The following SMOC2 variants were observed in gnomAD, a reference collection of about 807,000 sequenced individuals.
The protein encoded by SMOC2 is SPARC related modular calcium binding 2.
In SMOC2, 39 loss-of-function variants were observed where a neutral mutation model predicts 61.4. The ratio of observed to expected loss-of-function variants is 0.64; its 90% CI spans 0.49 to 0.83. The LOEUF is 0.83. Among genes scored for constraint, SMOC2 ranks in the 40% least tolerant of loss-of-function variants. SMOC2 has a pLI of 0.00. For missense variants in SMOC2, 556 were observed against 592.9 expected (o/e 0.94, Z 0.65); for synonymous variants, 247 against 239.9 (o/e 1.03, Z -0.27).
chr6:168,571,874 T>C, intron 7 of SMOC2, among the ~76,000 whole-genome samples: 1 of 123,760 alleles, frequency 8.1e-6, no homozygotes, highest in African/African-American at 3.2e-5. Context: ...CCTCCCCGCA[T>C]CCCCGGGTGC....
intron 1 of SMOC2, among the ~76,000 whole-genome samples, chr6:168,481,945 A>C (rs536949437): frequency 1.3e-5 from 2 of 152,044 alleles, no homozygotes; most frequent in Admixed American, 1.3e-4. Context: ...CCCTTTAAAA[A>C]AATAAGAAAA....
chr6:168,628,168 G>A (rs567055466), intron 9 of SMOC2, among the ~76,000 whole-genome samples: 1 of 152,310 alleles, frequency 6.6e-6, no homozygotes, highest in South Asian at 2.1e-4. Context: ...CTTCTTTGTT[G>A]ATTCCCAGAT....
chr6:168,596,792 AG>A (rs1481910956), intron 7 of SMOC2, among the ~76,000 whole-genome samples: 1 of 152,266 alleles, frequency 6.6e-6, no homozygotes, highest in Non-Finnish European at 1.5e-5. Context: ...TTGAGGCAAA[AG>A]CCTCTTTACT....
chr6:168,489,912 G>C (rs1469360784), intron 1 of SMOC2, among the ~76,000 whole-genome samples: 1 of 151,424 alleles, frequency 6.6e-6, no homozygotes, highest in East Asian at 1.9e-4. Context: ...GGGTCCCCTT[G>C]CATCACACTG....
intron 1 of SMOC2, among the ~76,000 whole-genome samples, chr6:168,476,245 C>A (rs935560160): frequency 6.6e-6 from 1 of 152,008 alleles, no homozygotes; most frequent in Non-Finnish European, 1.5e-5. Flanking sequence ...GTGTTTTTGA[C>A]CCACAATTTT....
chr6:168,518,534 TGA>T (rs1320392044), intron 2 of SMOC2, among the ~76,000 whole-genome samples: 33 of 151,596 alleles, frequency 2.2e-4, no homozygotes, highest in South Asian at 4.2e-4. Context: ...TGTGGATGTG[TGA>T]GAGCGTGTGT....
intron 7 of SMOC2, among the ~76,000 whole-genome samples, chr6:168,552,273 T>C (rs912338317): frequency 2.0e-5 from 3 of 152,100 alleles, no homozygotes; most frequent in African/African-American, 7.2e-5. Flanking sequence ...ATCAGAAGAG[T>C]GTCATTTATA....
intron 7 of SMOC2, among the ~76,000 whole-genome samples, chr6:168,588,722 C>T (rs1306436372): frequency 6.6e-6 from 1 of 152,178 alleles, no homozygotes; most frequent in African/African-American, 2.4e-5. Context: ...ACTGTGCAAC[C>T]TGCCATATTT....
chr6:168,465,011 T>C (rs1350933997), intron 1 of SMOC2, among the ~76,000 whole-genome samples: 2 of 151,910 alleles, frequency 1.3e-5, no homozygotes, highest in African/African-American at 4.8e-5. Flanking sequence ...CCCCAGAGAG[T>C]GAGTGACTTA....
chr6:168,604,924 C>T (rs1390723471), intron 8 of SMOC2, among the ~76,000 whole-genome samples: 1 of 152,116 alleles, frequency 6.6e-6, no homozygotes, highest in East Asian at 1.9e-4. Flanking sequence ...TCCTAGTGCC[C>T]CTGACTTTTG....
intron 1 of SMOC2, among the ~76,000 whole-genome samples, chr6:168,503,044 G>A (rs1782771972): frequency 1.4e-5 from 2 of 141,558 alleles, no homozygotes; most frequent in African/African-American, 2.7e-5. Context: ...GGAATTACAG[G>A]TGTGAGCCGC....
rs1292430741 is a variant in SMOC2 at position 168,666,730 on chromosome 6, G to C, written c.*292G>C. On this transcript the variant is annotated 3_prime_UTR_variant, in exon 13 of 13. Transcript: ENST00000356284. Reference sequence around the variant, plus strand: ...GGCTTAATTTCTTCGCCTTCCACATGTTAACAGTAGAGCTCTATGCACTCC... The same window carrying C: ...GGCTTAATTTCTTCGCCTTCCACATCTTAACAGTAGAGCTCTATGCACTCC... 3 of 454,568 alleles carry C rather than the reference G, an allele frequency of 6.6e-6. No individual in the cohort carries two copies. Among genetic ancestry groups the C allele is most frequent in the Middle Eastern group, 5.9e-4 (1 of 1,682 alleles). The allele number at this position is 454,568 out of a possible 1,614,324, so 28.2% of individuals were successfully genotyped here.
At chr6:168,514,843 G>A (rs572710865) in intron 2 of SMOC2, among the ~76,000 whole-genome samples, 1 of 152,134 alleles carries the variant, frequency 6.6e-6, no homozygotes, top group Non-Finnish European at 1.5e-5. Flanking sequence ...CTTTGAGGAT[G>A]AGCATGTGAG....
intron 2 of SMOC2, among the ~76,000 whole-genome samples, chr6:168,515,339 C>T (rs1783104112): frequency 6.6e-6 from 1 of 152,222 alleles, no homozygotes; most frequent in South Asian, 2.1e-4. Context: ...ACGTTACAAT[C>T]AGTCTGCGGA....
intron 1 of SMOC2, 79 bp from the exon 2 acceptor site, chr6:168,509,836 C>A: frequency 7.0e-7 from 1 of 1,428,142 alleles, no homozygotes; most frequent in Non-Finnish European, 9.5e-7. Flanking sequence ...CGTGAAGTGG[C>A]CTGAGGCAGC....
At position 168,550,725 on chromosome 6, in the gene SMOC2, C is replaced by T. The variant is rs553626036; in HGVS notation, c.637+1522C>T. Among the ~76,000 whole-genome samples, 3 of 152,266 alleles carry T rather than the reference C, an allele frequency of 2.0e-5. No homozygotes were observed. The South Asian group carries it at 6.2e-4, about 32-fold the overall frequency. On this transcript the variant is annotated intron_variant, in intron 7 of 12. Transcript: ENST00000356284. The stretch of plus-strand genomic sequence containing the variant: ...CGTCTACAGGCACACATGGCAGAAA[C>T]ATTTAATACCTATTTATAACATTTT...
chr6:168,461,402 G>C (rs1421866583), intron 1 of SMOC2, among the ~76,000 whole-genome samples: 1 of 152,088 alleles, frequency 6.6e-6, no homozygotes, highest in Non-Finnish European at 1.5e-5. Flanking sequence ...CAATGGTGTT[G>C]GGTACACTCT....
intron 7 of SMOC2, among the ~76,000 whole-genome samples, chr6:168,552,290 T>A (rs939849307): frequency 6.6e-6 from 1 of 152,230 alleles, no homozygotes; most frequent in African/African-American, 2.4e-5. Context: ...TATACTTAAT[T>A]TTAATTTTTA....
chr6:168,602,237 C>T (rs1338040580), intron 8 of SMOC2, among the ~76,000 whole-genome samples: 1 of 152,124 alleles, frequency 6.6e-6, no homozygotes, highest in African/African-American at 2.4e-5. Flanking sequence ...AAATGTACTT[C>T]TCACTCGACT....
Sources: gnomAD v4.1 joint callset for allele counts (sites outside exome capture counted in the v4.1 genomes callset) on GRCh38, gnomAD v4.1.1 for gene constraint, MANE v1.5 for transcripts, NCBI Gene and HGNC (gene_info 2026-07-23, HGNC 2026-07-21) for gene names.